The following CDH23 variants were observed in gnomAD, a reference collection of about 807,000 sequenced individuals.
CDH23 encodes cadherin-23.
CDH23 carries 189 observed loss-of-function variants against 317.1 expected under a neutral mutation model. That is an observed-to-expected ratio of 0.60 (90% CI 0.53 to 0.67). The LOEUF (loss-of-function observed/expected upper bound fraction) is 0.67, where lower values mean the gene tolerates loss of function less well. Ranked by LOEUF, CDH23 falls within the 30% of genes least tolerant of loss-of-function variation. The pLI, the probability that CDH23 is intolerant of heterozygous loss-of-function variation, is 0.00. For synonymous variants in CDH23, 1,839 were observed against 1,876.8 expected (o/e 0.98, Z 0.52); for missense variants, 4,401 against 4,592.4 (o/e 0.96, Z 1.20).
chr10:71,730,377 G>A, intron 30 of CDH23, 92 bp from the exon 31 acceptor site: 2 of 1,505,376 alleles, frequency 1.3e-6, no homozygotes, highest in East Asian at 2.4e-5. Flanking sequence ...CAGGAAAGCA[G>A]TGACCACACA....
chr10:71,452,362 C>T (rs562558253), intron 3 of CDH23, among the ~76,000 whole-genome samples: 8 of 152,306 alleles, frequency 5.3e-5, no homozygotes, highest in South Asian at 2.1e-4. Flanking sequence ...AGAAGCCTCC[C>T]GAGTGCCTGC....
chr10:71,523,033 C>G (rs552181818), intron 6 of CDH23, among the ~76,000 whole-genome samples: 1 of 152,174 alleles, frequency 6.6e-6, no homozygotes, highest in Non-Finnish European at 1.5e-5. Flanking sequence ...GCATTTAACC[C>G]TTGGAATAGA....
At chr10:71,507,788 C>T (rs1262871981) in intron 3 of CDH23, among the ~76,000 whole-genome samples, 7 of 152,332 alleles carry the variant, frequency 4.6e-5, no homozygotes, top group Non-Finnish European at 8.8e-5. Context: ...GCAATGCAAA[C>T]GCTTTGGAAA....
Position 71,784,964 on chromosome 10 carries a change from C to T in CDH23, c.5576C>T (p.Thr1859Ile), listed in dbSNP as rs191676428. ...PVLLNLPMNI[T>I]ISENSPVSSF... ...CTGCTGAACCTGCCCATGAACATCA[C>T]CATCAGCGAGAACAGCCCTGTCTCC... The change falls in exon 43 of 70, where the codon ACC (threonine) becomes ATC (isoleucine). Residue 1859 changes from threonine to isoleucine, a missense_variant. Transcript: ENST00000224721. 1.2e-5 allele frequency: 19 copies of T among 1,614,042 alleles called. No homozygotes were observed. Among genetic ancestry groups the T allele is most frequent in the Admixed American group, 6.7e-5 (4 of 60,030 alleles).
intron 1 of CDH23, among the ~76,000 whole-genome samples, chr10:71,400,249 T>G (rs1395261473): frequency 6.6e-6 from 1 of 152,174 alleles, no homozygotes; most frequent in Non-Finnish European, 1.5e-5. Flanking sequence ...TTTGAAACAC[T>G]GCTGGAGAGA....
intron 8 of CDH23, among the ~76,000 whole-genome samples, chr10:71,576,323 A>G (rs1858195842): frequency 6.6e-6 from 1 of 152,182 alleles, no homozygotes; most frequent in Non-Finnish European, 1.5e-5. Context: ...TTATCCTAGC[A>G]AGCCAGGAGA....
chr10:71,609,214 G>C (rs1860711486), intron 9 of CDH23, among the ~76,000 whole-genome samples: 1 of 151,610 alleles, frequency 6.6e-6, no homozygotes, highest in African/African-American at 2.4e-5. Flanking sequence ...GCCCCACATG[G>C]CTCGAAGAGA....
intron 18 of CDH23, among the ~76,000 whole-genome samples, chr10:71,683,517 C>T (rs769570271): frequency 3.1e-4 from 47 of 152,118 alleles, no homozygotes; most frequent in Non-Finnish European, 6.3e-4. Context: ...AGCTTCCAAG[C>T]GGAAAGGCCA....
rs1303514413 is a variant in CDH23 at position 71,732,288 on chromosome 10, C to A, written c.4017C>A (p.Ser1339=). ...AGATTGTGCGGGTCCAGGCCTACTCCATCGACAACCTCAACCAAATCACGT... is the reference window on the plus strand; with the variant it reads ...AGATTGTGCGGGTCCAGGCCTACTCAATCGACAACCTCAACCAAATCACGT... ...GTEIVRVQAY[S]IDNLNQITYR... is the part of the protein sequence containing the mutation. Residue 1339 remains serine, a synonymous_variant, in exon 32 of 70, where the codon TCC becomes TCA. Transcript: ENST00000224721. 1.9e-6 allele frequency: 3 copies of A among 1,612,890 alleles called. No individual in the cohort carries two copies. Among genetic ancestry groups the A allele is most frequent in the Non-Finnish European group, 1.7e-6 (2 of 1,179,346 alleles).
chr10:71,496,388 G>A (rs914448925), intron 3 of CDH23, among the ~76,000 whole-genome samples: 1 of 151,982 alleles, frequency 6.6e-6, no homozygotes, highest in Non-Finnish European at 1.5e-5. Flanking sequence ...ATGTGCCTGG[G>A]GTGCCCCCAT....
chr10:71,583,263 C>T (rs774387256), intron 9 of CDH23, among the ~76,000 whole-genome samples: 62 of 150,544 alleles, frequency 4.1e-4, no homozygotes, highest in African/African-American at 1.2e-3. Flanking sequence ...GGCGGGGGTC[C>T]GGTGCTGAGG....
At chr10:71,724,189 G>A in intron 29 of CDH23, 84 bp downstream of exon 29, 1 of 1,455,338 alleles carries the variant, frequency 6.9e-7, no homozygotes, top group Non-Finnish European at 9.4e-7. Context: ...AGGTCTGGGA[G>A]ATGAGGCCAA....
At chr10:71,425,232 GGAGAGAGAGA>G (rs748338206) in intron 1 of CDH23, among the ~76,000 whole-genome samples, 1,622 of 73,902 alleles carry the variant, frequency 0.022, 68 homozygotes, top group African/African-American at 0.07. Context: ...AGAGAGAGAG[GGAGAGAGAGA>G]GAGAGAGAGA....
chr10:71,730,375 C>A, intron 30 of CDH23, 94 bp from the exon 31 acceptor site: 1 of 1,491,804 alleles, frequency 6.7e-7, no homozygotes, highest in Non-Finnish European at 9.0e-7. Context: ...CCCAGGAAAG[C>A]AGTGACCACA....
rs1564747217 is a variant in CDH23, at chr10:71,709,194, T to A, written c.3203T>A (p.Leu1068His). 1 of 1,613,906 alleles carries A rather than the reference T, an allele frequency of 6.2e-7. No individual in the cohort carries two copies. Among genetic ancestry groups the A allele is most frequent in the South Asian group, 1.1e-5 (1 of 91,088 alleles). ...LDRETTAAYM[L>H]ILEAIDNGPV... is the part of the protein sequence containing the mutation. Reference sequence around the variant, plus strand: ...CGGGAGACCACAGCCGCCTACATGCTCATCCTGGAGGCCATCGGTATGCAC... The same window carrying A: ...CGGGAGACCACAGCCGCCTACATGCACATCCTGGAGGCCATCGGTATGCAC... The change falls in exon 27 of 70, where the codon CTC becomes CAC. Residue 1068 changes from leucine to histidine, a missense_variant. Leu to His is a moderately conservative substitution (Grantham distance 99). Transcript: ENST00000224721.
At chr10:71,422,421 C>T (rs999360718) in intron 1 of CDH23, among the ~76,000 whole-genome samples, 5 of 152,200 alleles carry the variant, frequency 3.3e-5, no homozygotes, top group African/African-American at 9.7e-5. Flanking sequence ...TCAGCAAGAC[C>T]CCCTCACAGG....
chr10:71,440,182 G>A (rs1210337265), intron 2 of CDH23, among the ~76,000 whole-genome samples: 1 of 152,184 alleles, frequency 6.6e-6, no homozygotes, highest in Non-Finnish European at 1.5e-5. Flanking sequence ...CTGTGACCGT[G>A]AACCGTCCTC....
chr10:71,687,553 A>G lies in CDH23; in HGVS notation c.1987-94A>G. 3 of 1,138,708 alleles carry G rather than the reference A, an allele frequency of 2.6e-6. No homozygotes were observed. In the South Asian group the frequency reaches 3.8e-5, roughly 14 times the overall value. The allele number at this position is 1,138,708 out of a possible 1,614,324, so 70.5% of individuals were successfully genotyped here. ...AGGCCAAAGCTCTTTAGGGCCAGCCAGACCTAGCCTGACTCCTTGGTGCCC... is the reference window on the plus strand; with the variant it reads ...AGGCCAAAGCTCTTTAGGGCCAGCCGGACCTAGCCTGACTCCTTGGTGCCC... On this transcript the variant is annotated intron_variant, in intron 18 of 69. Coordinates refer to ENST00000224721, the MANE Select transcript of CDH23 (RefSeq NM_022124.6).
chr10:71,735,584 C>A (rs1395120802), intron 34 of CDH23, among the ~76,000 whole-genome samples: 1 of 152,178 alleles, frequency 6.6e-6, no homozygotes, highest in Non-Finnish European at 1.5e-5. Flanking sequence ...GCATCAGGCT[C>A]CTCATCAGCC....
Sources: gnomAD v4.1 joint callset for allele counts (sites outside exome capture counted in the v4.1 genomes callset) on GRCh38, gnomAD v4.1.1 for gene constraint, MANE v1.5 for transcripts, NCBI Gene and HGNC (gene_info 2026-07-23, HGNC 2026-07-21) for gene names.